Variants in THOC1 observed in about 807,000 individuals in gnomAD.
The protein encoded by THOC1 is THO complex subunit 1, also known as THO complex 1.
In THOC1, 29 loss-of-function variants were observed where a neutral mutation model predicts 97.3. That is an observed-to-expected ratio of 0.30 (90% CI 0.22 to 0.41). The LOEUF (loss-of-function observed/expected upper bound fraction) is 0.41, where lower values mean the gene tolerates loss of function less well. Ranked by LOEUF, THOC1 falls within the 10% of genes least tolerant of loss-of-function variation. The pLI, the probability that THOC1 is intolerant of heterozygous loss-of-function variation, is 1.00. For synonymous variants in THOC1, 255 were observed against 257.0 expected, an observed-to-expected ratio of 0.99 and a Z score of 0.07; for missense variants, 529 against 761.9, an observed-to-expected ratio of 0.69 and a Z score of 3.60.
intron 11 of THOC1, among the ~76,000 whole-genome samples, chr18:243,288 A>T (rs1283822652): frequency 2.6e-5 from 4 of 152,230 alleles, no homozygotes; most frequent in Non-Finnish European, 4.4e-5. Context: ...AAGGAGAGAT[A>T]CTATTAGAAA....
At chr18:248,370 T>C (rs141329458) in intron 9 of THOC1, among the ~76,000 whole-genome samples, 1 of 152,116 alleles carries the variant, frequency 6.6e-6, no homozygotes, top group Admixed American at 6.5e-5. Context: ...GTGAGCCACC[T>C]TGCACTACAG....
At position 254,446 on chromosome 18, in the gene THOC1, C is replaced by A; in HGVS notation, c.521-91G>T. The stretch of plus-strand genomic sequence containing the variant: ...TGTCATAATCAAAACTACAAAATGC[C>A]AAATCCATAAAGAGCAGTCAAAATT... On this transcript the variant is annotated intron_variant, in intron 7 of 20. Coordinates refer to ENST00000261600, the MANE Select transcript of THOC1 (RefSeq NM_005131.3). This position sits in a 1 kb window ranked among gnomAD's most constrained non-coding sequence, Gnocchi z 4.1. 1 of 774,028 alleles carries A rather than the reference C, an allele frequency of 1.3e-6. No homozygotes were observed. The highest frequency in any genetic ancestry group is 2.1e-6 in the Non-Finnish European group (1 of 466,072). 47.9% of individuals were successfully genotyped at this position (774,028 alleles called of 1,614,324 possible).
chr18:242,973 T>TA lies in THOC1; in HGVS notation c.918+3350dup, dbSNP rs1293592178. On this transcript the variant is annotated intron_variant, in intron 11 of 20. Transcript: ENST00000261600. This position sits in a 1 kb window ranked among gnomAD's most constrained non-coding sequence, Gnocchi z 4.5. The stretch of plus-strand genomic sequence containing the variant: ...TGCATTACAAATATTTTCACTTGTA[T>TA]ATTAAGTAGTAAAAACTAAAAATAC... Among the ~76,000 whole-genome samples, 1 of 152,212 alleles carries TA rather than the reference T, an allele frequency of 6.6e-6. No homozygotes were observed. The highest frequency in any genetic ancestry group is 1.5e-5 in the Non-Finnish European group (1 of 68,048).
intron 6 of THOC1, 117 bp from the exon 7 acceptor site, chr18:259,392 T>A: frequency 1.2e-6 from 1 of 853,254 alleles, no homozygotes; most frequent in Non-Finnish European, 1.8e-6. Context: ...CAGTAGTTCT[T>A]AAATTGGGGG....
chr18:256,338 A>T (rs1912434627), intron 7 of THOC1, among the ~76,000 whole-genome samples: 1 of 152,242 alleles, frequency 6.6e-6, no homozygotes, highest in Admixed American at 6.5e-5. Context: ...AGTTTGGAAG[A>T]GGTTGATTCC....
chr18:246,501 T>C (rs763276272), intron 10 of THOC1, 46 bp from the exon 11 acceptor site: 1 of 1,525,258 alleles, frequency 6.6e-7, no homozygotes, highest in Non-Finnish European at 8.9e-7. Flanking sequence ...TTACCCAAAT[T>C]TGTTTAGTGC....
intron 11 of THOC1, among the ~76,000 whole-genome samples, chr18:243,688 A>T (rs1260731878): frequency 6.6e-6 from 1 of 152,140 alleles, no homozygotes; most frequent in African/African-American, 2.4e-5. Flanking sequence ...ATAATATTAA[A>T]CTGACACCTC....
In THOC1 at chr18:265,333, T is replaced by C. The variant is rs770771421; in HGVS notation, c.159A>G (p.Gln53=). Residue 53 remains glutamine (Q), a synonymous_variant, in exon 3 of 21, where the codon CAA becomes CAG. Coordinates refer to ENST00000261600, the MANE Select transcript of THOC1 (RefSeq NM_005131.3). ...CTTCTTCTAGAATACCTCTGAAAGC[T>C]TGGTCAAGGGTACATTTTTTTTCAT... ...SENEKKCTLD[Q]AFRGILEEEI... is the part of the protein sequence containing the mutation. 2 of 1,604,706 alleles carry C rather than the reference T, an allele frequency of 1.2e-6. No individual in the cohort carries two copies. The highest frequency in any genetic ancestry group is 1.7e-6 in the Non-Finnish European group (2 of 1,177,280).
chr18:225,400 T>C lies in THOC1; in HGVS notation c.1023A>G (p.Ser341=). The C allele has an allele frequency of 6.2e-7, 1 of 1,612,584 alleles. No individual in the cohort carries two copies. Among genetic ancestry groups the C allele is most frequent in the Non-Finnish European group, 8.5e-7 (1 of 1,179,474 alleles). ...ATTGCTCATCAGTTAAAACATAGTTTGAACTAGGGAACAAAGCAATGAAAG... is the reference window on the plus strand; with the variant it reads ...ATTGCTCATCAGTTAAAACATAGTTCGAACTAGGGAACAAAGCAATGAAAG... The part of the protein sequence containing the change: ...YLKGQVKFKS[S]NYVLTDEQSL... Residue 341 remains serine, a synonymous_variant, in exon 13 of 21, where the codon TCA becomes TCG. Coordinates refer to ENST00000261600, the MANE Select transcript of THOC1 (RefSeq NM_005131.3).
At chr18:266,103 C>T (rs755301562) in intron 1 of THOC1, among the ~76,000 whole-genome samples, 5 of 152,182 alleles carry the variant, frequency 3.3e-5, no homozygotes, top group Admixed American at 6.5e-5. Flanking sequence ...GTCCCTGACA[C>T]GTAGCACTCA....
chr18:252,684 G>C (rs2143273372), intron 8 of THOC1, 72 bp from the exon 9 acceptor site: 1 of 1,321,012 alleles, frequency 7.6e-7, no homozygotes, highest in Non-Finnish European at 1.1e-6. Context: ...GCTAGAATAA[G>C]TGGTCAGTTA....
chr18:246,303 A>C, intron 11 of THOC1, 21 bp downstream of exon 11: 1 of 1,495,994 alleles, frequency 6.7e-7, no homozygotes, highest in East Asian at 2.3e-5. Context: ...ATTATGCTTA[A>C]TGAAAAAGAA....
At chr18:263,832 G>A (rs899110526) in intron 4 of THOC1, 194 bp downstream of exon 4, 3 of 471,416 alleles carry the variant, frequency 6.4e-6, no homozygotes, top group Middle Eastern at 5.7e-4. Flanking sequence ...GTGCCAAAAT[G>A]TGCACTGCAT....
At chr18:230,684 TTTGG>T (rs1911454430) in intron 11 of THOC1, among the ~76,000 whole-genome samples, 1 of 152,204 alleles carries the variant, frequency 6.6e-6, no homozygotes, top group Non-Finnish European at 1.5e-5. Context: ...TCCATTTTTC[TTTGG>T]TTATTTAAAA....
intron 3 of THOC1, 62 bp from the exon 4 acceptor site, chr18:264,154 A>G: frequency 9.2e-7 from 1 of 1,089,150 alleles, no homozygotes; most frequent in Non-Finnish European, 1.4e-6. Flanking sequence ...CTCGATTAAC[A>G]GTAAAAACAT....
Position 224,178 on chromosome 18 carries a change from T to A in THOC1, c.1210A>T (p.Thr404Ser), listed in dbSNP as rs769928528. 7.5e-6 allele frequency: 12 copies of A among 1,601,284 alleles called. No individual in the cohort carries two copies. The highest frequency in any genetic ancestry group is 1.3e-5 in the African/African-American group (1 of 74,744). Residue 404 changes from threonine to serine, a missense_variant and splice_region_variant, in exon 16 of 21, where the codon ACA becomes TCA. Thr to Ser is a moderately conservative substitution (Grantham distance 58). Coordinates refer to ENST00000261600, the MANE Select transcript of THOC1 (RefSeq NM_005131.3). ...ATTCTCGTAGGTTTGGTATCTGATG[T>A]TCTGTCGTGAACAAAACATACACTA... is the stretch of plus-strand genomic sequence containing the variant. ...EGCPSFVKERTSDTKPTRIIR... is the reference protein window; with the variant it reads ...EGCPSFVKERSSDTKPTRIIR...
At chr18:259,381 G>A (rs1379720538) in intron 6 of THOC1, 106 bp from the exon 7 acceptor site, 5 of 948,082 alleles carry the variant, frequency 5.3e-6, no homozygotes, top group Admixed American at 6.7e-5. Context: ...TTTTCCTAAA[G>A]CAGTAGTTCT....
At position 221,654 on chromosome 18, in the gene THOC1, G is replaced by C. The variant is rs190472618; in HGVS notation, c.1370+1786C>G. ...GACGGAGTCTCGCTCTGTCGCCCAG[G>C]CTGGAGTGCAGTGGTGCGATCTCGA... On this transcript the variant is annotated intron_variant, in intron 17 of 20. Transcript: ENST00000261600. Among the ~76,000 whole-genome samples, 815 of 144,790 alleles carry C rather than the reference G, an allele frequency of 5.6e-3. 4 individuals carry two copies. The highest frequency in any genetic ancestry group is 6.5e-3 in the Non-Finnish European group (433 of 67,094). The allele number at this position is 144,790 out of a possible 152,430, so 95.0% of individuals were successfully genotyped here. A position where few individuals can be genotyped will look rare whatever the true frequency, so the allele number is the denominator to read the frequency against.
intron 4 of THOC1, among the ~76,000 whole-genome samples, chr18:261,859 T>C (rs1356556393): frequency 1.3e-5 from 2 of 152,178 alleles, no homozygotes; most frequent in Admixed American, 1.3e-4. Context: ...CATCTAAAAA[T>C]AGATTCACTG....
Sources: gnomAD v4.1 joint callset for allele counts (sites outside exome capture counted in the v4.1 genomes callset) on GRCh38, gnomAD v4.1.1 for gene constraint, Gnocchi (gnomAD v3.1) non-coding constraint, MANE v1.5 for transcripts, NCBI Gene and HGNC (gene_info 2026-07-23, HGNC 2026-07-21) for gene names.